The following SCIN variants were observed in gnomAD, a reference collection of about 807,000 sequenced individuals.
SCIN encodes the protein adseverin.
In SCIN, 91 loss-of-function variants were observed where a neutral mutation model predicts 91.8. The ratio of observed to expected loss-of-function variants is 0.99; its 90% CI spans 0.84 to 1.18. SCIN has a LOEUF of 1.18. Among genes scored for constraint, SCIN ranks in the 50% most tolerant of loss-of-function variants. The probability of loss-of-function intolerance (pLI) is 0.00; values close to 1 mark genes in which losing one functional copy is unlikely to be tolerated. For missense variants in SCIN, 1,087 were observed against 863.9 expected (o/e 1.26, Z -3.24); for synonymous variants, 367 against 312.6 (o/e 1.17, Z -1.84).
At chr7:12,642,670 T>C (rs1056693842) in intron 11 of SCIN, among the ~76,000 whole-genome samples, 17 of 151,000 alleles carry the variant, frequency 1.1e-4, no homozygotes, top group African/African-American at 4.1e-4. Context: ...AGGTCACTTT[T>C]CTGATCTCAT....
rs1156833551 is a variant in SCIN at position 12,653,234 on chromosome 7, T to G, written c.*519T>G. ...AATAACCTGAAGGAAACTTTCGTTATGGGCCAATATTAGCTCTTATGGAAA... is the reference window on the plus strand; with the variant it reads ...AATAACCTGAAGGAAACTTTCGTTAGGGGCCAATATTAGCTCTTATGGAAA... On this transcript the variant is annotated 3_prime_UTR_variant, in exon 16 of 16. Coordinates refer to ENST00000297029, the MANE Select transcript of SCIN (RefSeq NM_001112706.3). The surrounding 1 kb of genome is among the most constrained non-coding windows in gnomAD (Gnocchi z 4.1). 6.6e-6 allele frequency: 1 copy of G among 152,276 alleles called. No homozygotes were observed. Among genetic ancestry groups the G allele is most frequent in the Non-Finnish European group, 1.5e-5 (1 of 68,090 alleles). The allele number at this position is 152,276 out of a possible 1,614,324, so 9.4% of individuals were successfully genotyped here.
At chr7:12,620,296 A>G (rs1783381074) in intron 4 of SCIN, among the ~76,000 whole-genome samples, 1 of 152,110 alleles carries the variant, frequency 6.6e-6, no homozygotes, top group African/African-American at 2.4e-5. Context: ...CTTTGTCTCC[A>G]GAACTTATTT....
chr7:12,570,805 C>A lies in SCIN; in HGVS notation c.19C>A (p.His7Asn). 1 of 1,551,302 alleles carries A rather than the reference C, an allele frequency of 6.4e-7. No homozygotes were observed. The highest frequency in any genetic ancestry group is 1.4e-5 in the African/African-American group (1 of 73,190). The change falls in exon 1 of 16, where the codon CAC (histidine) becomes AAC (asparagine). Residue 7 changes from histidine to asparagine, a missense_variant. Physicochemically the swap from His to Asn is moderately conservative, Grantham distance 68 (BLOSUM62 1). Transcript: ENST00000297029. MARELY[H>N]EEFARAGKQA... ...AGGAGCCATGGCGCGGGAGCTATAC[C>A]ACGAAGAGTTCGCCCGGGCGGGCAA...
chr7:12,617,003 C>G, intron 4 of SCIN, among the ~76,000 whole-genome samples: 1 of 151,934 alleles, frequency 6.6e-6, no homozygotes, highest in South Asian at 2.1e-4. Flanking sequence ...GGTACATTAC[C>G]AAGACATATA....
At chr7:12,598,773 G>T (rs1257336192) in intron 3 of SCIN, among the ~76,000 whole-genome samples, 1 of 152,068 alleles carries the variant, frequency 6.6e-6, no homozygotes, top group Non-Finnish European at 1.5e-5. Flanking sequence ...GCTAGGCGTG[G>T]TGGCACATAG....
chr7:12,630,835 T>C (rs868212155), intron 9 of SCIN, among the ~76,000 whole-genome samples: 2 of 152,242 alleles, frequency 1.3e-5, no homozygotes, highest in African/African-American at 2.4e-5. Flanking sequence ...GGCCTGAGTA[T>C]ATCAATACCA....
In SCIN at chr7:12,570,883, C is replaced by A. The variant is rs987756525; in HGVS notation, c.97C>A (p.Pro33Thr). ...TGAGAAGCTGGAGCTGGTGCCCGTG[C>A]CCCAGAGCGCTCACGGCGACTTCTA... Reference protein sequence around the residue: ...RIEKLELVPVPQSAHGDFYVG... With the variant: ...RIEKLELVPVTQSAHGDFYVG... Residue 33 changes from proline (P) to threonine (T), a missense_variant, in exon 1 of 16, where the codon CCC (proline) becomes ACC (threonine). Pro to Thr is a conservative substitution (Grantham distance 38). Transcript: ENST00000297029. 4 of 1,551,536 alleles carry A rather than the reference C, an allele frequency of 2.6e-6. No individual in the cohort carries two copies. In the East Asian group the frequency reaches 7.3e-5, roughly 28 times the overall value.
intron 3 of SCIN, chr7:12,596,329 A>T (rs1390510760): frequency 2.2e-6 from 1 of 455,934 alleles, no homozygotes; most frequent in Non-Finnish European, 4.4e-6. Context: ...ATCCCCAAGA[A>T]GTTGCTTCTC....
At chr7:12,593,501 T>A (rs1044334972) in intron 3 of SCIN, among the ~76,000 whole-genome samples, 5 of 151,970 alleles carry the variant, frequency 3.3e-5, no homozygotes, top group Non-Finnish European at 7.4e-5. Context: ...ACCCTAAAAC[T>A]TAAAGTATAA....
At chr7:12,581,033 G>T (rs1157490719) in intron 2 of SCIN, 27 bp from the exon 3 acceptor site, 1 of 1,542,936 alleles carries the variant, frequency 6.5e-7, no homozygotes, top group Admixed American at 2.0e-5. Context: ...TTTGTTTTTT[G>T]TGTGTCTGTC....
At chr7:12,639,447 C>T (rs1783815035) in intron 10 of SCIN, among the ~76,000 whole-genome samples, 1 of 152,154 alleles carries the variant, frequency 6.6e-6, no homozygotes, top group Admixed American at 6.6e-5. Flanking sequence ...TCCCATTCAC[C>T]TGGCTTCTAG....
intron 9 of SCIN, 72 bp downstream of exon 9, chr7:12,629,294 C>T (rs1180789506): frequency 3.6e-6 from 5 of 1,401,318 alleles, no homozygotes; most frequent in Non-Finnish European, 4.9e-6. Flanking sequence ...AAATTCTATG[C>T]ATTATGGGGT....
chr7:12,578,986 T>A (rs1178121010), intron 2 of SCIN, among the ~76,000 whole-genome samples: 1 of 140,846 alleles, frequency 7.1e-6, no homozygotes, highest in Non-Finnish European at 1.5e-5. Flanking sequence ...CACTCACCCC[T>A]CCACACGTGT....
At chr7:12,585,545 T>C (rs1401549602) in intron 3 of SCIN, among the ~76,000 whole-genome samples, 4 of 152,204 alleles carry the variant, frequency 2.6e-5, no homozygotes, top group Non-Finnish European at 5.9e-5. Context: ...TATTTCATGT[T>C]ATGTGTGTCA....
chr7:12,584,447 A>T (rs1292903626), intron 3 of SCIN, among the ~76,000 whole-genome samples: 1 of 152,232 alleles, frequency 6.6e-6, no homozygotes. Flanking sequence ...TTTTTTGATC[A>T]ACAGTCACTA....
chr7:12,576,114 T>C (rs1257790726), intron 1 of SCIN, among the ~76,000 whole-genome samples: 1 of 152,198 alleles, frequency 6.6e-6, no homozygotes, highest in Non-Finnish European at 1.5e-5. Flanking sequence ...ACATCATCTT[T>C]AACACCTTTG....
chr7:12,611,412 A>G lies in SCIN; in HGVS notation c.666+6749A>G, dbSNP rs187796922. ...TTTGGAAGCTTAGGATTTTGTCAGC[A>G]TTCCTTAAAGTTTTTCTGTGGAAAT... On this transcript the variant is annotated intron_variant, in intron 4 of 15. Coordinates refer to ENST00000297029, the MANE Select transcript of SCIN (RefSeq NM_001112706.3). Among the ~76,000 whole-genome samples the G allele has an allele frequency of 3.3e-5, 5 of 152,308 alleles. No individual in the cohort carries two copies. The East Asian group carries it at 9.6e-4, about 29-fold the overall frequency.
At chr7:12,644,809 A>G (rs1783927893) in intron 13 of SCIN, 104 bp downstream of exon 13, 1 of 1,116,018 alleles carries the variant, frequency 9.0e-7, no homozygotes, top group Non-Finnish European at 1.3e-6. Flanking sequence ...TGAGGTCAGG[A>G]GTTCGAGACC....
rs751209286 is a variant in SCIN at position 12,570,773 on chromosome 7, C to T, written c.-14C>T. On this transcript the variant is annotated 5_prime_UTR_variant, in exon 1 of 16. Coordinates refer to ENST00000297029, the MANE Select transcript of SCIN (RefSeq NM_001112706.3). ...CGATATCACGCGTCCCCCGGAGCAT[C>T]GCGTGCAGGAGCCATGGCGCGGGAG... The T allele has an allele frequency of 3.2e-6, 5 of 1,548,438 alleles. No individual in the cohort carries two copies. The highest frequency in any genetic ancestry group is 1.4e-5 in the African/African-American group (1 of 73,026).
Sources: gnomAD v4.1 joint callset for allele counts (sites outside exome capture counted in the v4.1 genomes callset) on GRCh38, gnomAD v4.1.1 for gene constraint, Gnocchi (gnomAD v3.1) non-coding constraint, MANE v1.5 for transcripts, NCBI Gene and HGNC (gene_info 2026-07-23, HGNC 2026-07-21) for gene names.